Variants in CFAP46 observed in about 807,000 individuals in gnomAD.
The protein encoded by CFAP46 is cilia- and flagella-associated protein 46.
A neutral mutation model predicts 325.7 loss-of-function variants in CFAP46; 245 were observed. That is an observed-to-expected ratio of 0.75 (90% CI 0.68 to 0.84). The LOEUF is 0.84. Among genes scored for constraint, CFAP46 ranks in the 40% least tolerant of loss-of-function variants. The probability of loss-of-function intolerance (pLI) is 0.00; values close to 1 mark genes in which losing one functional copy is unlikely to be tolerated. For missense variants in CFAP46, 3,346 were observed against 3,543.0 expected, an observed-to-expected ratio of 0.94 and a Z score of 1.41; for synonymous variants, 1,523 against 1,495.9, an observed-to-expected ratio of 1.02 and a Z score of -0.42.
chr10:132,810,574 G>C, intron 56 of CFAP46, 85 bp from the exon 57 acceptor site: 1 of 1,214,070 alleles, frequency 8.2e-7, no homozygotes, highest in Non-Finnish European at 1.2e-6. Context: ...GGATGCCAGG[G>C]GCCCACGCAC....
intron 36 of CFAP46, 69 bp from the exon 37 acceptor site, chr10:132,860,592 G>T: frequency 2.4e-6 from 3 of 1,272,634 alleles, no homozygotes; most frequent in Non-Finnish European, 3.3e-6. Flanking sequence ...GCCTGAGGAC[G>T]GGCGGGCAGG....
At position 132,874,024 on chromosome 10, in the gene CFAP46, C is replaced by T. The variant is rs533233615; in HGVS notation, c.4363-1200G>A. ...AATTTTCCCAAACAGAAGCTCTGGG[C>T]TCAGATGGCTTTACCAGGGAATTCT... is the stretch of plus-strand genomic sequence containing the variant. On this transcript the variant is annotated intron_variant, in intron 31 of 57. Transcript: ENST00000368586. Among the ~76,000 whole-genome samples the T allele has an allele frequency of 2.6e-5, 4 of 152,276 alleles. No individual in the cohort carries two copies. The South Asian group carries it at 8.3e-4, about 32-fold the overall frequency.
At chr10:132,912,124 AC>A (rs150211323) in intron 19 of CFAP46, among the ~76,000 whole-genome samples, 1 of 66,490 alleles carries the variant, frequency 1.5e-5, no homozygotes, top group African/African-American at 6.7e-5. Flanking sequence ...CTCCACCCCC[AC>A]CCCCCCACCC....
At chr10:132,897,219 C>A (rs1393188078) in intron 24 of CFAP46, among the ~76,000 whole-genome samples, 1 of 152,156 alleles carries the variant, frequency 6.6e-6, no homozygotes, top group Non-Finnish European at 1.5e-5. Flanking sequence ...GGATATGACA[C>A]CAAAGACACA....
At chr10:132,878,220 G>A (rs1848984899) in intron 29 of CFAP46, 133 bp from the exon 30 acceptor site, 19 of 847,644 alleles carry the variant, frequency 2.2e-5, no homozygotes, top group Admixed American at 6.7e-5. Flanking sequence ...GTGGTCTTGC[G>A]TCCCCGTCAG....
chr10:132,821,020 G>A (rs111210373), intron 50 of CFAP46, among the ~76,000 whole-genome samples: 17,091 of 90,132 alleles, frequency 0.19, 3,667 homozygotes, highest in Admixed American at 0.34. Flanking sequence ...TGTGTGCTGT[G>A]TGCTGTGTGT....
chr10:132,815,440 G>C (rs1181889445), intron 50 of CFAP46, among the ~76,000 whole-genome samples: 2 of 152,246 alleles, frequency 1.3e-5, no homozygotes, highest in Non-Finnish European at 2.9e-5. Context: ...CGCCTTCAAA[G>C]AGGCTGCTTC....
In CFAP46 at chr10:132,861,159, G is replaced by A. The variant is rs578013541; in HGVS notation, c.4891-177C>T. 2.4e-4 allele frequency among the ~76,000 whole-genome samples: 37 copies of A among 152,340 alleles called. 2 individuals carry two copies. The South Asian group carries it at 7.2e-3, about 30-fold the overall frequency. On this transcript the variant is annotated intron_variant, in intron 35 of 57. Transcript: ENST00000368586. ...CAGTGGAAGGGTGGGGCCCATGGCC[G>A]CCCTCGCACTCCCTGGCAGGACTTG...
Position 132,879,512 on chromosome 10 carries a change from G to A in CFAP46, c.3919C>T (p.Leu1307=). The change falls in exon 29 of 58, where the codon CTG becomes TTG. Residue 1307 remains leucine (L), a synonymous_variant. Coordinates refer to ENST00000368586, the MANE Select transcript of CFAP46 (RefSeq NM_001200049.3). ...QLEALARVHI[L]LALVLSPGAE... ...CCCGGCGACAGCACCAGGGCCAGCA[G>A]GATGTGCACGCGGGCCAGCGCCTCC... 6.5e-7 allele frequency: 1 copy of A among 1,547,428 alleles called. No individual in the cohort carries two copies. The highest frequency in any genetic ancestry group is 8.7e-7 in the Non-Finnish European group (1 of 1,146,006).
rs998050769 is a variant in CFAP46, at chr10:132,939,297, G to A, written c.372-544C>T. On this transcript the variant is annotated intron_variant, in intron 4 of 57. Coordinates refer to ENST00000368586, the MANE Select transcript of CFAP46 (RefSeq NM_001200049.3). This position sits in a 1 kb window ranked among gnomAD's most constrained non-coding sequence, Gnocchi z 4.6. Reference sequence around the variant, plus strand: ...GGAACCTTTGGGAAACAAAGTTCCCGTCTGCCAGCATAGAGTGTGAAGTGG... The same window carrying A: ...GGAACCTTTGGGAAACAAAGTTCCCATCTGCCAGCATAGAGTGTGAAGTGG... Among the ~76,000 whole-genome samples, 5 of 152,354 alleles carry A rather than the reference G, an allele frequency of 3.3e-5. No individual in the cohort carries two copies. Among genetic ancestry groups the A allele is most frequent in the South Asian group, 2.1e-4 (1 of 4,826 alleles).
At chr10:132,818,289 A>G (rs1014284569) in intron 50 of CFAP46, among the ~76,000 whole-genome samples, 1 of 148,396 alleles carries the variant, frequency 6.7e-6, no homozygotes, top group Non-Finnish European at 1.5e-5. Context: ...TCCACTTCAC[A>G]CTCCACAGAG....
chr10:132,876,995 C>A lies in CFAP46; in HGVS notation c.4213-34G>T. The A allele has an allele frequency of 6.5e-7, 1 of 1,541,484 alleles. No homozygotes were observed. Among genetic ancestry groups the A allele is most frequent in the South Asian group, 1.2e-5 (1 of 82,456 alleles). On this transcript the variant is annotated intron_variant, in intron 30 of 57. Coordinates refer to ENST00000368586, the MANE Select transcript of CFAP46 (RefSeq NM_001200049.3). The surrounding 1 kb of genome is among the most constrained non-coding windows in gnomAD (Gnocchi z 4.1). ...GCAAGAATACAGGATTTACCTGAAA[C>A]GGTGGAGGTGAAACAGCAGACACCC...
At chr10:132,912,866 C>CTGACAA in intron 18 of CFAP46, 46 bp from the exon 19 acceptor site, 1 of 1,538,914 alleles carries the variant, frequency 6.5e-7, no homozygotes. Flanking sequence ...CCGCAGGCCT[C>CTGACAA]GCCCCGATCC....
At position 132,817,660 on chromosome 10, in the gene CFAP46, C is replaced by G. The variant is rs935771119; in HGVS notation, c.7118-2746G>C. ...ACGGCAGTGCGGCCACACCTGGCGG[C>G]GCCCCAGACTCAGCGGTTGGCGGCT... On this transcript the variant is annotated intron_variant, in intron 50 of 57. Transcript: ENST00000368586. The surrounding 1 kb of genome is among the most constrained non-coding windows in gnomAD (Gnocchi z 4.4). Among the ~76,000 whole-genome samples the G allele has an allele frequency of 2.6e-5, 4 of 152,224 alleles. No individual in the cohort carries two copies. The highest frequency in any genetic ancestry group is 9.6e-5 in the African/African-American group (4 of 41,468).
rs775004058 is a variant in CFAP46 at position 132,913,035 on chromosome 10, C to A, written c.2333+11G>T. 2 of 1,548,864 alleles carry A rather than the reference C, an allele frequency of 1.3e-6. No individual in the cohort carries two copies. Among genetic ancestry groups the A allele is most frequent in the Non-Finnish European group, 8.7e-7 (1 of 1,146,544 alleles). Reference sequence around the variant, plus strand: ...CCCTCCCTGCGTGAACGCAGCACAGCCCACACGCACCCACTGTGGCCTGTG... The same window carrying A: ...CCCTCCCTGCGTGAACGCAGCACAGACCACACGCACCCACTGTGGCCTGTG... On this transcript the variant is annotated intron_variant, in intron 18 of 57. Coordinates refer to ENST00000368586, the MANE Select transcript of CFAP46 (RefSeq NM_001200049.3).
chr10:132,834,797 G>GC, intron 47 of CFAP46, 22 bp from the exon 48 acceptor site: 1 of 1,604,824 alleles, frequency 6.2e-7, no homozygotes, highest in African/African-American at 1.3e-5. Context: ...CAAAAAAGAG[G>GC]CCCCCGTAGC....
In CFAP46 at chr10:132,929,779, G is replaced by C. The variant is rs141623050; in HGVS notation, c.892C>G (p.Arg298Gly). 6.2e-7 allele frequency: 1 copy of C among 1,609,368 alleles called. No homozygotes were observed. ...ATGCATTTCAAGGTCAAGGAAAAAC[G>C]CGCCAATTCAAAAAGCAAAAGCATT... ...EKMLLLFELA[R>G]FSLTLKCMEI... The change falls in exon 9 of 58, where the codon CGT becomes GGT. Residue 298 changes from arginine to glycine, a missense_variant. Physicochemically the swap from Arg to Gly is moderately radical, Grantham distance 125. Coordinates refer to ENST00000368586, the MANE Select transcript of CFAP46 (RefSeq NM_001200049.3).
intron 26 of CFAP46, 42 bp from the exon 27 acceptor site, chr10:132,885,328 G>A (rs1418935597): frequency 6.6e-7 from 1 of 1,509,966 alleles, no homozygotes; most frequent in Admixed American, 2.1e-5. Context: ...AGGATCGGGT[G>A]GCAGAATTTT....
chr10:132,813,033 G>T, intron 54 of CFAP46, 136 bp from the exon 55 acceptor site: 1 of 650,480 alleles, frequency 1.5e-6, no homozygotes, highest in Non-Finnish European at 2.7e-6. Flanking sequence ...TTTCTTTCAT[G>T]TTCCTAATGC....
Sources: allele counts gnomAD v4.1 joint callset (sites outside exome capture counted in the v4.1 genomes callset), GRCh38; gene constraint gnomAD v4.1.1; non-coding constraint Gnocchi (gnomAD v3.1); transcripts MANE v1.5; gene names NCBI Gene and HGNC (gene_info 2026-07-23, HGNC 2026-07-21).